Variants in ATG10 observed in about 807,000 individuals in gnomAD.
ATG10 encodes autophagy related 10.
A neutral mutation model predicts 32.1 loss-of-function variants in ATG10; 30 were observed. That is an observed-to-expected ratio of 0.94 (90% CI 0.70 to 1.27). The LOEUF is 1.27. Among genes scored for constraint, ATG10 ranks in the 50% most tolerant of loss-of-function variants. The pLI is 0.00. For synonymous variants in ATG10, 87 were observed against 91.5 expected (o/e 0.95, Z 0.28); for missense variants, 233 against 262.3 (o/e 0.89, Z 0.77).
At position 82,007,088 on chromosome 5, in the gene ATG10, G is replaced by A. The variant is rs568823807; in HGVS notation, c.108+19410G>A. ...AAGGTGGTCTTGATCTCTTGACCTC[G>A]TGATCTGCCCACCTCAGCCTCCCAC... On this transcript the variant is annotated intron_variant, in intron 2 of 7. Transcript: ENST00000282185. Among the ~76,000 whole-genome samples, 16 of 152,192 alleles carry A rather than the reference G, an allele frequency of 1.1e-4. No homozygotes were observed. The South Asian group carries it at 2.7e-3, about 26-fold the overall frequency.
At chr5:82,077,150 C>T (rs1250738065) in intron 3 of ATG10, among the ~76,000 whole-genome samples, 2 of 152,246 alleles carry the variant, frequency 1.3e-5, no homozygotes, top group East Asian at 3.9e-4. Context: ...GGCAAAACCC[C>T]ATCTCTATTT....
chr5:82,020,014 C>T (rs1762392954), intron 2 of ATG10, among the ~76,000 whole-genome samples: 1 of 152,176 alleles, frequency 6.6e-6, no homozygotes, highest in African/African-American at 2.4e-5. Flanking sequence ...TCCCTGCAGG[C>T]GCCTCTGAAG....
At chr5:82,106,471 A>G (rs1340075451) in intron 3 of ATG10, among the ~76,000 whole-genome samples, 1 of 152,094 alleles carries the variant, frequency 6.6e-6, no homozygotes, top group Non-Finnish European at 1.5e-5. Flanking sequence ...ACACCTCTGA[A>G]CTGCATGAAT....
At chr5:82,124,288 C>A (rs1460462685) in intron 3 of ATG10, among the ~76,000 whole-genome samples, 3 of 151,052 alleles carry the variant, frequency 2.0e-5, no homozygotes, top group Non-Finnish European at 4.4e-5. Flanking sequence ...CAGACGTGAG[C>A]CACTGCCCTT....
chr5:82,245,366 GTCT>G (rs1746983303), intron 5 of ATG10, among the ~76,000 whole-genome samples: 1 of 152,112 alleles, frequency 6.6e-6, no homozygotes, highest in East Asian at 1.9e-4. Context: ...CACATTGATT[GTCT>G]GCACCGTTAA....
intron 3 of ATG10, among the ~76,000 whole-genome samples, chr5:82,100,772 G>GTTTTTTTTT (rs61096885): frequency 8.8e-6 from 1 of 113,990 alleles, no homozygotes; most frequent in Non-Finnish European, 1.8e-5. Flanking sequence ...ACAAGAACTA[G>GTTTTTTTTT]TTTTTTTTTT....
intron 5 of ATG10, among the ~76,000 whole-genome samples, chr5:82,190,372 A>G (rs1208950087): frequency 2.0e-5 from 3 of 151,914 alleles, no homozygotes; most frequent in Non-Finnish European, 2.9e-5. Context: ...ATATAAAAAT[A>G]CACATGCAAA....
chr5:82,173,783 A>G (rs530007231), intron 4 of ATG10, among the ~76,000 whole-genome samples: 1 of 152,326 alleles, frequency 6.6e-6, no homozygotes, highest in African/African-American at 2.4e-5. Flanking sequence ...CCTCTGACTG[A>G]GGCCAGATGT....
chr5:82,093,160 T>A (rs1011029423), intron 3 of ATG10, among the ~76,000 whole-genome samples: 1 of 152,194 alleles, frequency 6.6e-6, no homozygotes, highest in African/African-American at 2.4e-5. Flanking sequence ...TTCATTGAAC[T>A]TGTTACATAT....
chr5:82,009,797 G>C (rs1172426840), intron 2 of ATG10: 9 of 1,607,138 alleles, frequency 5.6e-6, no homozygotes, highest in Non-Finnish European at 6.8e-6. Context: ...CATTTGCCAT[G>C]GACAAGATGC....
At chr5:82,235,930 T>A (rs1746536336) in intron 5 of ATG10, among the ~76,000 whole-genome samples, 1 of 152,262 alleles carries the variant, frequency 6.6e-6, no homozygotes, top group Admixed American at 6.5e-5. Context: ...GATTAGCTTT[T>A]TACAAGTTCT....
chr5:82,194,013 G>A (rs899902369), intron 5 of ATG10, among the ~76,000 whole-genome samples: 3 of 152,196 alleles, frequency 2.0e-5, no homozygotes, highest in Non-Finnish European at 4.4e-5. Flanking sequence ...GGAACAAATT[G>A]TCTCACAATA....
At chr5:82,145,615 T>G (rs1187338308) in intron 3 of ATG10, among the ~76,000 whole-genome samples, 1 of 152,220 alleles carries the variant, frequency 6.6e-6, no homozygotes, top group Non-Finnish European at 1.5e-5. Context: ...TGTGTACAGA[T>G]GTACATGCAC....
rs149106868 is a variant in ATG10 at position 82,192,431 on chromosome 5, A to G, written c.453+13844A>G. ...ACTGAACATTGACTGATACCATATT[A>G]TATAGCTTGACCCAAAGAGAGTTTC... On this transcript the variant is annotated intron_variant, in intron 5 of 7. Coordinates refer to ENST00000282185, the MANE Select transcript of ATG10 (RefSeq NM_031482.5). 1.6e-3 allele frequency among the ~76,000 whole-genome samples: 240 copies of G among 152,320 alleles called. 2 individuals carry two copies. Among genetic ancestry groups the G allele is most frequent in the African/African-American group, 5.4e-3 (223 of 41,568 alleles).
At chr5:82,230,504 C>G (rs1299246031) in intron 5 of ATG10, among the ~76,000 whole-genome samples, 1 of 151,838 alleles carries the variant, frequency 6.6e-6, no homozygotes, top group Non-Finnish European at 1.5e-5. Flanking sequence ...GATGCCGAGG[C>G]GGGTGGATCA....
At chr5:82,178,781 G>A (rs1343687840) in intron 5 of ATG10, among the ~76,000 whole-genome samples, 194 bp downstream of exon 5, 1 of 151,688 alleles carries the variant, frequency 6.6e-6, no homozygotes, top group Non-Finnish European at 1.5e-5. Flanking sequence ...CCTATTATAA[G>A]CTCTCAGAGT....
intron 5 of ATG10, among the ~76,000 whole-genome samples, chr5:82,193,097 A>G (rs1022321487): frequency 4.6e-5 from 7 of 152,210 alleles, no homozygotes; most frequent in African/African-American, 1.7e-4. Flanking sequence ...TCTGGGCCTC[A>G]GTGAGAATCT....
intron 2 of ATG10, among the ~76,000 whole-genome samples, chr5:82,055,880 T>G (rs1444819229): frequency 6.6e-6 from 1 of 152,196 alleles, no homozygotes; most frequent in African/African-American, 2.4e-5. Context: ...CTTACAAATT[T>G]TACACAAATT....
intron 5 of ATG10, among the ~76,000 whole-genome samples, chr5:82,249,933 G>C (rs1747181946): frequency 6.6e-6 from 1 of 152,170 alleles, no homozygotes. Flanking sequence ...GTGAGTCTTG[G>C]AGAGAGTGGA....
Sources: gnomAD v4.1 joint callset for allele counts (sites outside exome capture counted in the v4.1 genomes callset) on GRCh38, gnomAD v4.1.1 for gene constraint, MANE v1.5 for transcripts, NCBI Gene and HGNC (gene_info 2026-07-23, HGNC 2026-07-21) for gene names.